The following PPCS variants were observed in gnomAD, a reference collection of about 807,000 sequenced individuals.
PPCS encodes phosphopantothenate--cysteine ligase.
Under a neutral mutation model 24.6 loss-of-function variants are expected in PPCS, and 17 were observed. The ratio of observed to expected loss-of-function variants is 0.69; its 90% CI spans 0.47 to 1.04. The LOEUF (loss-of-function observed/expected upper bound fraction) is 1.04. Ranked by LOEUF, PPCS falls within the 50% of genes least tolerant of loss-of-function variation. The pLI, the probability that PPCS is intolerant of heterozygous loss-of-function variation, is 0.00. For missense variants in PPCS, 360 were observed against 402.8 expected, an observed-to-expected ratio of 0.89 and a Z score of 0.91; for synonymous variants, 190 against 168.3, an observed-to-expected ratio of 1.13 and a Z score of -1.00.
chr1:42,456,985 T>G lies in PPCS; in HGVS notation c.420T>G (p.Ala140=), dbSNP rs762093573. Reference sequence around the variant, plus strand: ...TGAGGAGCTACCAGGAGGCTGCGGCTGCAGGCACCTTCCTGGCAGTAGAGT... The same window carrying G: ...TGAGGAGCTACCAGGAGGCTGCGGCGGCAGGCACCTTCCTGGCAGTAGAGT... The part of the protein sequence containing the change: ...EALRSYQEAA[A]AGTFLAVEFT... The change falls in exon 1 of 3, where the codon GCT becomes GCG. Residue 140 remains alanine, a synonymous_variant. Transcript: ENST00000372561. The G allele has an allele frequency of 6.2e-7, 1 of 1,602,724 alleles. No homozygotes were observed. Among genetic ancestry groups the G allele is most frequent in the African/African-American group, 1.3e-5 (1 of 74,932 alleles).
chr1:42,457,673 C>T, intron 2 of PPCS: 1 of 299,718 alleles, frequency 3.3e-6, no homozygotes. Context: ...ATGAGCAGAA[C>T]CGAGCGCGGT....
rs142622030 is a variant in PPCS at position 42,460,441 on chromosome 1, A to C, written c.*515A>C. Reference sequence around the variant, plus strand: ...TGTTTTGTTTTGTTTGAAATTTATCAAATATAGTAGTAGGAAAGAAGGATA... The same window carrying C: ...TGTTTTGTTTTGTTTGAAATTTATCCAATATAGTAGTAGGAAAGAAGGATA... On this transcript the variant is annotated 3_prime_UTR_variant, in exon 3 of 3. Transcript: ENST00000372561. 8 of 948,312 alleles carry C rather than the reference A, an allele frequency of 8.4e-6. No homozygotes were observed. The highest frequency in any genetic ancestry group is 1.8e-5 in the African/African-American group (1 of 56,472). 58.7% of individuals were successfully genotyped at this position (948,312 alleles called of 1,614,324 possible).
downstream of PPCS, chr1:42,464,194 A>G (rs1263664379): frequency 6.6e-6 from 1 of 152,218 alleles, no homozygotes; most frequent in African/African-American, 2.4e-5. Context: ...TGGGTAAACT[A>G]GAGACTAGGA....
intron 2 of PPCS, among the ~76,000 whole-genome samples, chr1:42,468,027 G>T (rs1643646162): frequency 1.3e-5 from 2 of 152,218 alleles, no homozygotes; most frequent in Admixed American, 1.3e-4. Flanking sequence ...GGTCAGGAGA[G>T]ACTGTTAATG....
chr1:42,457,569 T>G (rs770209321), intron 2 of PPCS: 26 of 578,424 alleles, frequency 4.5e-5, no homozygotes, highest in Non-Finnish European at 7.4e-5. Flanking sequence ...CTAGTGGAGG[T>G]ATGTACAAAG....
At chr1:42,473,244 A>G (rs1341827895) in exon 3 of PPCS, 1 of 1,231,508 alleles carries the variant, frequency 8.1e-7, no homozygotes, top group Non-Finnish European at 1.0e-6. Flanking sequence ...AGACAGGCTG[A>G]GGACTGCTAC....
intron 2 of PPCS, among the ~76,000 whole-genome samples, chr1:42,467,181 T>C (rs1643617461): frequency 6.6e-6 from 1 of 152,184 alleles, no homozygotes; most frequent in South Asian, 2.1e-4. Flanking sequence ...GAAGAATATC[T>C]GGTCCCAAGC....
chr1:42,462,458 AG>A (rs1475040428), downstream of PPCS, among the ~76,000 whole-genome samples: 5 of 152,150 alleles, frequency 3.3e-5, no homozygotes, highest in Admixed American at 6.5e-5. Context: ...GGAGAGGTTG[AG>A]GCACTTTATT....
At chr1:42,457,809 G>A (rs35906326) in intron 2 of PPCS, among the ~76,000 whole-genome samples, 3,148 of 151,974 alleles carry the variant, frequency 0.021, 120 homozygotes, top group African/African-American at 0.072. Context: ...ACAAAAATTA[G>A]CCGGGCGTGG....
intron 2 of PPCS, 59 bp downstream of exon 2, chr1:42,457,409 C>A: frequency 6.9e-7 from 1 of 1,455,086 alleles, no homozygotes; most frequent in Non-Finnish European, 9.7e-7. Context: ...GGGTTAATTT[C>A]CTCTTGATCT....
chr1:42,465,065 T>C (rs1643527354), downstream of PPCS, among the ~76,000 whole-genome samples: 1 of 152,232 alleles, frequency 6.6e-6, no homozygotes, highest in Non-Finnish European at 1.5e-5. Flanking sequence ...TCCTTTCCTC[T>C]TCTAATATGT....
At chr1:42,469,889 TAGTAAC>T (rs1404724708) in intron 2 of PPCS, among the ~76,000 whole-genome samples, 1 of 152,092 alleles carries the variant, frequency 6.6e-6, no homozygotes, top group African/African-American at 2.4e-5. Context: ...CTGAGTGAAA[TAGTAAC>T]AGAAACTAGC....
downstream of PPCS, chr1:42,463,612 A>T (rs1385024251): frequency 1.3e-5 from 2 of 152,174 alleles, no homozygotes; most frequent in Non-Finnish European, 2.9e-5. Flanking sequence ...ATTTAGTATT[A>T]GGCTGCCGCT....
downstream of PPCS, among the ~76,000 whole-genome samples, chr1:42,461,642 G>C (rs1557780627): frequency 6.6e-6 from 1 of 151,740 alleles, no homozygotes; most frequent in Non-Finnish European, 1.5e-5. Context: ...TGCCTCCCGG[G>C]TTCACACCAT....
chr1:42,459,832 CAG>C lies in PPCS; in HGVS notation c.845_846del (p.Glu282GlyfsTer16). 1 of 1,614,040 alleles carries C rather than the reference CAG, an allele frequency of 6.2e-7. No homozygotes were observed. Among genetic ancestry groups the C allele is most frequent in the South Asian group, 1.1e-5 (1 of 91,068 alleles). Reference sequence around the variant, plus strand: ...GACTCGGAAACCAAGTTATTGCTATCAGAGGAAGAAATAGAAAAAGGCGTAGA... The same window carrying C: ...GACTCGGAAACCAAGTTATTGCTATCAGGAAGAAATAGAAAAAGGCGTAGA... On this transcript the variant is annotated frameshift_variant, in exon 3 of 3. Transcript: ENST00000372561. LOFTEE classifies it high-confidence loss of function.
chr1:42,458,849 T>C (rs902497116), intron 2 of PPCS, among the ~76,000 whole-genome samples: 1 of 152,226 alleles, frequency 6.6e-6, no homozygotes, highest in Admixed American at 6.5e-5. Context: ...CACTGCTAAG[T>C]TGTGTTACAT....
At chr1:42,457,968 A>C (rs947950944) in intron 2 of PPCS, among the ~76,000 whole-genome samples, 38 of 151,718 alleles carry the variant, frequency 2.5e-4, no homozygotes, top group Non-Finnish European at 4.1e-4. Flanking sequence ...AAAAAAAAAA[A>C]AACACCAAAA....
intron 2 of PPCS, chr1:42,467,602 G>A (rs1441300850): frequency 6.6e-6 from 1 of 152,168 alleles, no homozygotes; most frequent in Non-Finnish European, 1.5e-5. Context: ...CTAGAAAACT[G>A]GACACGCATT....
intron 2 of PPCS, among the ~76,000 whole-genome samples, chr1:42,469,312 T>G (rs1643689821): frequency 6.6e-6 from 1 of 152,000 alleles, no homozygotes; most frequent in South Asian, 2.1e-4. Flanking sequence ...AGCGCAGGAG[T>G]TTGAAACTGT....
Sources: allele counts gnomAD v4.1 joint callset (sites outside exome capture counted in the v4.1 genomes callset), GRCh38; gene constraint gnomAD v4.1.1; transcripts MANE v1.5; gene names NCBI Gene and HGNC (gene_info 2026-07-23, HGNC 2026-07-21).